The following DIP2B variants were observed in gnomAD, a reference collection of about 807,000 sequenced individuals.
DIP2B encodes DIP2 acetate--CoA ligase B (putative), also known as disco-interacting protein 2 homolog B.
DIP2B carries 76 observed loss-of-function variants against 198.0 expected under a neutral mutation model. The ratio of observed to expected loss-of-function variants is 0.38; its 90% CI spans 0.32 to 0.46. The LOEUF (loss-of-function observed/expected upper bound fraction) is 0.46, where lower values mean the gene tolerates loss of function less well. DIP2B is among the 20% of genes least tolerant of loss of function. DIP2B has a pLI of 0.99. For missense variants in DIP2B, 1,559 were observed against 1,978.4 expected (o/e 0.79, Z 4.02); for synonymous variants, 701 against 739.1 (o/e 0.95, Z 0.84).
At position 50,695,963 on chromosome 12, in the gene DIP2B, C is replaced by T. The variant is rs1404270980; in HGVS notation, c.1929C>T (p.Asn643=). ...TGTTAATTGTGACTGATGGAGCTAA[C>T]CCCTGTGAGTATTTCTTCATTGTGG... ...LRMLIVTDGA[N]PWSVSSCDAF... is the part of the protein sequence containing the mutation. The change falls in exon 16 of 38, where the codon AAC becomes AAT. Residue 643 remains asparagine (N), a synonymous_variant. Coordinates refer to ENST00000301180, the MANE Select transcript of DIP2B (RefSeq NM_173602.3). 1 of 1,613,992 alleles carries T rather than the reference C, an allele frequency of 6.2e-7. No individual in the cohort carries two copies. Among genetic ancestry groups the T allele is most frequent in the East Asian group, 2.2e-5 (1 of 44,886 alleles).
intron 1 of DIP2B, among the ~76,000 whole-genome samples, chr12:50,605,815 C>A (rs2092598185): frequency 6.6e-6 from 1 of 151,878 alleles, no homozygotes; most frequent in Non-Finnish European, 1.5e-5. Flanking sequence ...TCCTGCTCTG[C>A]CTTTTCTTTT....
At chr12:50,705,237 G>A (rs1939493356) in intron 20 of DIP2B, among the ~76,000 whole-genome samples, 1 of 151,594 alleles carries the variant, frequency 6.6e-6, no homozygotes, top group Non-Finnish European at 1.5e-5. Flanking sequence ...AACATCTTCA[G>A]TCATATAAGA....
chr12:50,669,025 A>G (rs543207263), intron 4 of DIP2B, among the ~76,000 whole-genome samples: 2 of 151,980 alleles, frequency 1.3e-5, no homozygotes, highest in Non-Finnish European at 2.9e-5. Flanking sequence ...TCTGGTCACT[A>G]TTTATCTCTC....
intron 22 of DIP2B, among the ~76,000 whole-genome samples, chr12:50,709,924 G>A (rs1282135471): frequency 6.6e-6 from 1 of 152,136 alleles, no homozygotes; most frequent in African/African-American, 2.4e-5. Context: ...CACTATGGTC[G>A]CACCTGTGAA....
At chr12:50,512,363 TC>T (rs1475516657) in intron 1 of DIP2B, among the ~76,000 whole-genome samples, 2 of 152,082 alleles carry the variant, frequency 1.3e-5, no homozygotes, top group African/African-American at 4.8e-5. Context: ...CGCATCGGCC[TC>T]CCAGAGTCCC....
intron 2 of DIP2B, among the ~76,000 whole-genome samples, chr12:50,635,986 C>T (rs985507391): frequency 2.0e-5 from 3 of 152,108 alleles, no homozygotes; most frequent in Admixed American, 6.5e-5. Context: ...GGACCAGTTA[C>T]TATAGGAGAT....
chr12:50,528,977 G>A (rs1405888272), intron 1 of DIP2B, among the ~76,000 whole-genome samples: 1 of 152,220 alleles, frequency 6.6e-6, no homozygotes, highest in African/African-American at 2.4e-5. Context: ...AGAAGCCAGA[G>A]ATTATAATGG....
intron 1 of DIP2B, among the ~76,000 whole-genome samples, chr12:50,527,780 CATGATTAAA>C (rs1032362276): frequency 6.2e-4 from 94 of 152,252 alleles, no homozygotes; most frequent in African/African-American, 1.9e-3. Context: ...AGTGTTAAAA[CATGATTAAA>C]ATGATTAAAA....
At chr12:50,579,731 G>A (rs1958706383) in intron 1 of DIP2B, among the ~76,000 whole-genome samples, 14 of 118,218 alleles carry the variant, frequency 1.2e-4, no homozygotes, top group Non-Finnish European at 1.7e-4. Flanking sequence ...ATAGCTTCAT[G>A]GACCCCTGTA....
chr12:50,611,194 G>T (rs1460293953), intron 1 of DIP2B, among the ~76,000 whole-genome samples: 3 of 152,134 alleles, frequency 2.0e-5, no homozygotes, highest in Non-Finnish European at 2.9e-5. Context: ...CTAAACATTG[G>T]CGGATAGGTG....
chr12:50,591,952 A>C (rs1025488457), intron 1 of DIP2B, among the ~76,000 whole-genome samples: 2 of 149,402 alleles, frequency 1.3e-5, no homozygotes, highest in South Asian at 4.2e-4. Flanking sequence ...ATCTTGGCTC[A>C]CTGTAACCTC....
rs1055507226 is a variant in DIP2B at position 50,728,688 on chromosome 12, G to A, written c.3641+10G>A. The stretch of plus-strand genomic sequence containing the variant: ...TCTGGTGTCTCTGCAGGTAGGGATG[G>A]AAAAGCCAAGGAGACAGAATGTGTG... On this transcript the variant is annotated intron_variant, in intron 30 of 37. Transcript: ENST00000301180. 6.2e-7 allele frequency: 1 copy of A among 1,613,408 alleles called. No individual in the cohort carries two copies.
chr12:50,537,947 CAT>C (rs1349479734), intron 1 of DIP2B, among the ~76,000 whole-genome samples: 1 of 152,042 alleles, frequency 6.6e-6, no homozygotes, highest in African/African-American at 2.4e-5. Flanking sequence ...GGAATGAGGA[CAT>C]AGAAATGGTG....
intron 1 of DIP2B, among the ~76,000 whole-genome samples, chr12:50,595,265 G>A (rs1351778763): frequency 6.6e-6 from 1 of 152,160 alleles, no homozygotes; most frequent in Non-Finnish European, 1.5e-5. Context: ...AATCTGTTTA[G>A]CTAGGAGAGT....
At chr12:50,591,120 A>G (rs1161669563) in intron 1 of DIP2B, among the ~76,000 whole-genome samples, 1 of 152,174 alleles carries the variant, frequency 6.6e-6, no homozygotes, top group Non-Finnish European at 1.5e-5. Context: ...CTCAGCCTCC[A>G]TAACTGTGAA....
Position 50,702,333 on chromosome 12 carries a change from G to A in DIP2B, c.2326-1807G>A, listed in dbSNP as rs372817540. Among the ~76,000 whole-genome samples the A allele has an allele frequency of 7.3e-5, 11 of 150,016 alleles. No homozygotes were observed. The South Asian group carries it at 1.9e-3, about 26-fold the overall frequency. ...TGCACTCCAGCCTGGGCGACAGAGC[G>A]AGACTCTGTCTCAAAAAAAAAAGAG... On this transcript the variant is annotated intron_variant, in intron 19 of 37. Coordinates refer to ENST00000301180, the MANE Select transcript of DIP2B (RefSeq NM_173602.3).
At chr12:50,722,147 C>T (rs1166489600) in intron 26 of DIP2B, among the ~76,000 whole-genome samples, 1 of 151,862 alleles carries the variant, frequency 6.6e-6, no homozygotes, top group Non-Finnish European at 1.5e-5. Context: ...TGGAGTTTTC[C>T]CTTCATTATT....
chr12:50,624,356 AG>A (rs1937890151), intron 1 of DIP2B, among the ~76,000 whole-genome samples: 1 of 152,112 alleles, frequency 6.6e-6, no homozygotes. Context: ...TTCCTGAGAC[AG>A]AGTCTTGCTC....
intron 16 of DIP2B, among the ~76,000 whole-genome samples, chr12:50,696,614 A>C (rs1041195701): frequency 3.3e-5 from 5 of 152,158 alleles, no homozygotes; most frequent in Non-Finnish European, 7.3e-5. Context: ...TCATAAATGG[A>C]CTTTGTTAGT....
Sources: allele counts gnomAD v4.1 joint callset (sites outside exome capture counted in the v4.1 genomes callset), GRCh38; gene constraint gnomAD v4.1.1; transcripts MANE v1.5; gene names NCBI Gene and HGNC (gene_info 2026-07-23, HGNC 2026-07-21).